Variants in ERBB4 observed in about 807,000 individuals in gnomAD.
ERBB4 encodes the protein erb-b2 receptor tyrosine kinase 4.
A neutral mutation model predicts 158.0 loss-of-function variants in ERBB4; 42 were observed. That is an observed-to-expected ratio of 0.27 (90% CI 0.21 to 0.34). The LOEUF is 0.34. ERBB4 is among the 10% of genes least tolerant of loss of function. The pLI is 1.00. For missense variants in ERBB4, 1,333 were observed against 1,624.1 expected (o/e 0.82, Z 3.08); for synonymous variants, 583 against 558.7 (o/e 1.04, Z -0.61).
At chr2:211,591,893 C>T (rs372779219) in intron 19 of ERBB4, among the ~76,000 whole-genome samples, 22 of 151,598 alleles carry the variant, frequency 1.5e-4, no homozygotes, top group African/African-American at 4.9e-4. Context: ...GTAATAATTA[C>T]AATACCTACC....
At chr2:211,976,972 C>T (rs1360385477) in intron 2 of ERBB4, among the ~76,000 whole-genome samples, 1 of 152,006 alleles carries the variant, frequency 6.6e-6, no homozygotes, top group Non-Finnish European at 1.5e-5. Context: ...TAAATAGTGC[C>T]TATACATATA....
At chr2:211,646,812 C>T (rs1181208928) in intron 16 of ERBB4, among the ~76,000 whole-genome samples, 2 of 151,630 alleles carry the variant, frequency 1.3e-5, no homozygotes, top group African/African-American at 4.8e-5. Flanking sequence ...CAAACCACAA[C>T]CTGCTATTTT....
At chr2:211,669,235 A>AG (rs897752415) in intron 14 of ERBB4, among the ~76,000 whole-genome samples, 4 of 137,788 alleles carry the variant, frequency 2.9e-5, no homozygotes, top group African/African-American at 7.4e-5. Flanking sequence ...AAAAAAAAAA[A>AG]AAAGAAAAAA....
chr2:211,776,075 G>C (rs2075867405), intron 4 of ERBB4, among the ~76,000 whole-genome samples: 1 of 152,158 alleles, frequency 6.6e-6, no homozygotes, highest in Non-Finnish European at 1.5e-5. Flanking sequence ...GAATGGTTTT[G>C]TTAATGTAAC....
intron 20 of ERBB4, among the ~76,000 whole-genome samples, chr2:211,483,917 G>A (rs1011469867): frequency 1.3e-5 from 2 of 152,018 alleles, no homozygotes; most frequent in Admixed American, 6.6e-5. Flanking sequence ...CATATTTAAA[G>A]TATGGAAAGA....
At chr2:212,178,450 G>A (rs889125045) in intron 1 of ERBB4, among the ~76,000 whole-genome samples, 10 of 151,710 alleles carry the variant, frequency 6.6e-5, no homozygotes, top group African/African-American at 2.4e-4. Flanking sequence ...GACAAGACTT[G>A]ATGATGAATC....
intron 1 of ERBB4, among the ~76,000 whole-genome samples, chr2:212,456,702 C>A (rs1300367724): frequency 1.3e-5 from 2 of 151,880 alleles, no homozygotes; most frequent in African/African-American, 4.8e-5. Flanking sequence ...TTAAGGGATA[C>A]AATTTTTGCA....
At chr2:211,524,974 T>A (rs75800025) in intron 20 of ERBB4, among the ~76,000 whole-genome samples, 18,565 of 152,180 alleles carry the variant, frequency 0.12, 1,962 homozygotes, top group African/African-American at 0.29. Flanking sequence ...GAAGTCAGCT[T>A]ATGCCTGCTC....
intron 4 of ERBB4, among the ~76,000 whole-genome samples, chr2:211,760,387 A>C (rs1459076075): frequency 6.6e-6 from 1 of 152,234 alleles, no homozygotes; most frequent in African/African-American, 2.4e-5. Context: ...TACACTTATC[A>C]TACTTGCAAA....
chr2:212,143,074 C>T (rs2080539905), intron 1 of ERBB4, among the ~76,000 whole-genome samples: 1 of 151,940 alleles, frequency 6.6e-6, no homozygotes, highest in South Asian at 2.1e-4. Flanking sequence ...ACATAATCCT[C>T]AAAAATTTTC....
intron 20 of ERBB4, among the ~76,000 whole-genome samples, chr2:211,557,944 G>T (rs1460653180): frequency 2.0e-5 from 3 of 152,112 alleles, no homozygotes; most frequent in Non-Finnish European, 2.9e-5. Context: ...GCCATAAAAT[G>T]GACAAGATCA....
At chr2:211,597,787 A>G (rs999992741) in intron 19 of ERBB4, among the ~76,000 whole-genome samples, 8 of 152,192 alleles carry the variant, frequency 5.3e-5, no homozygotes, top group African/African-American at 1.9e-4. Flanking sequence ...TAGTAAAAAT[A>G]TTACTTAAAA....
In ERBB4 at chr2:211,687,644, C is replaced by A. The variant is rs111945168; in HGVS notation, c.1490-8460G>T. On this transcript the variant is annotated intron_variant, in intron 12 of 27. Coordinates refer to ENST00000342788, the MANE Select transcript of ERBB4 (RefSeq NM_005235.3). ...TTGTCTACCTGCCCCTTTCCAGATT[C>A]TTTGAGTAGAAAGAACAGGCTTTTG... is the stretch of plus-strand genomic sequence containing the variant. Among the ~76,000 whole-genome samples the A allele has an allele frequency of 6.2e-3, 946 of 152,206 alleles. 11 individuals are homozygous for A. Among genetic ancestry groups the A allele is most frequent in the African/African-American group, 0.021 (883 of 41,544 alleles).
chr2:212,531,664 T>C, intron 1 of ERBB4, among the ~76,000 whole-genome samples: 1 of 152,140 alleles, frequency 6.6e-6, no homozygotes, highest in Non-Finnish European at 1.5e-5. Context: ...ATAGTACTTA[T>C]TTTAAAAATG....
At chr2:211,405,062 C>A (rs914790272) in intron 25 of ERBB4, among the ~76,000 whole-genome samples, 1 of 152,116 alleles carries the variant, frequency 6.6e-6, no homozygotes, top group African/African-American at 2.4e-5. Context: ...TATATTGCTG[C>A]ACTACATCCT....
intron 1 of ERBB4, among the ~76,000 whole-genome samples, chr2:212,239,008 T>G (rs1372182530): frequency 6.6e-6 from 1 of 152,194 alleles, no homozygotes; most frequent in Non-Finnish European, 1.5e-5. Context: ...ACTTATTAAT[T>G]AATGGCCTTT....
chr2:212,055,633 T>G (rs1227281731), intron 2 of ERBB4, among the ~76,000 whole-genome samples: 1 of 152,246 alleles, frequency 6.6e-6, no homozygotes, highest in East Asian at 1.9e-4. Flanking sequence ...TATTTGCTGT[T>G]CTGCAGCCAC....
intron 20 of ERBB4, among the ~76,000 whole-genome samples, chr2:211,440,505 A>C (rs1283417444): frequency 6.6e-6 from 1 of 152,172 alleles, no homozygotes; most frequent in African/African-American, 2.4e-5. Flanking sequence ...TGAATGTCTG[A>C]CACCTTAGTA....
chr2:211,379,895 C>T lies in ERBB4; in HGVS notation c.*3720G>A, dbSNP rs2062545979. 1 of 231,924 alleles carries T rather than the reference C, an allele frequency of 4.3e-6. No homozygotes were observed. Among genetic ancestry groups the T allele is most frequent in the South Asian group, 1.8e-4 (1 of 5,510 alleles). The allele number at this position is 231,924 out of a possible 1,614,324, so 14.4% of individuals were successfully genotyped here. ...TTCATTTTTGATACTTCAAGAAGCACATTAATAGTCCTTCCAACTTCATCT... is the reference window on the plus strand; with the variant it reads ...TTCATTTTTGATACTTCAAGAAGCATATTAATAGTCCTTCCAACTTCATCT... On this transcript the variant is annotated 3_prime_UTR_variant, in exon 28 of 28. Coordinates refer to ENST00000342788, the MANE Select transcript of ERBB4 (RefSeq NM_005235.3).
Sources: gnomAD v4.1 joint callset for allele counts (sites outside exome capture counted in the v4.1 genomes callset) on GRCh38, gnomAD v4.1.1 for gene constraint, MANE v1.5 for transcripts, NCBI Gene and HGNC (gene_info 2026-07-23, HGNC 2026-07-21) for gene names.